EFCAB6: variants seen among roughly 807,000 people sequenced by gnomAD.
EFCAB6 encodes EF-hand calcium binding domain 6.
A neutral mutation model predicts 169.8 loss-of-function variants in EFCAB6; 156 were observed. That is an observed-to-expected ratio of 0.92 (90% CI 0.81 to 1.05). EFCAB6 has a LOEUF of 1.05. Among genes scored for constraint, EFCAB6 ranks in the 50% least tolerant of loss-of-function variants. The pLI, the probability that EFCAB6 is intolerant of heterozygous loss-of-function variation, is 0.00. For synonymous variants in EFCAB6, 698 were observed against 676.4 expected, an observed-to-expected ratio of 1.03 and a Z score of -0.50; for missense variants, 1,800 against 1,829.1, an observed-to-expected ratio of 0.98 and a Z score of 0.29.
At chr22:43,612,431 T>C (rs556922905) in intron 21 of EFCAB6, among the ~76,000 whole-genome samples, 5 of 152,078 alleles carry the variant, frequency 3.3e-5, no homozygotes, top group Non-Finnish European at 5.9e-5. Flanking sequence ...TATACGGAAC[T>C]TAAACAACCC....
At chr22:43,576,719 C>T (rs2050279902) in intron 25 of EFCAB6, among the ~76,000 whole-genome samples, 1 of 152,040 alleles carries the variant, frequency 6.6e-6, no homozygotes, top group East Asian at 1.9e-4. Flanking sequence ...CTTACTTGCT[C>T]CTATTTGGAT....
At chr22:43,532,310 G>T (rs1172518696) in intron 30 of EFCAB6, among the ~76,000 whole-genome samples, 2 of 152,144 alleles carry the variant, frequency 1.3e-5, no homozygotes, top group Non-Finnish European at 2.9e-5. Context: ...TGGGAACTGG[G>T]GTGGCCCCTT....
intron 2 of EFCAB6, among the ~76,000 whole-genome samples, chr22:43,803,798 A>T (rs1031821897): frequency 6.6e-6 from 1 of 152,230 alleles, no homozygotes; most frequent in African/African-American, 2.4e-5. Context: ...AAACACTGCC[A>T]TTAAACTACA....
intron 2 of EFCAB6, among the ~76,000 whole-genome samples, chr22:43,787,381 C>T (rs1569489451): frequency 2.1e-5 from 3 of 144,452 alleles, no homozygotes; most frequent in Non-Finnish European, 4.5e-5. Context: ...CACACACACA[C>T]ACAATTAGAA....
intron 19 of EFCAB6, among the ~76,000 whole-genome samples, chr22:43,629,252 T>C (rs1032182743): frequency 2.6e-5 from 4 of 152,144 alleles, no homozygotes; most frequent in Non-Finnish European, 5.9e-5. Flanking sequence ...GTCTTCAGCT[T>C]CCCCAATGTT....
chr22:43,568,537 G>C (rs1009874611), intron 26 of EFCAB6, among the ~76,000 whole-genome samples: 1 of 152,132 alleles, frequency 6.6e-6, no homozygotes, highest in Non-Finnish European at 1.5e-5. Context: ...TGAATATATA[G>C]AGGGCTTCCC....
intron 10 of EFCAB6, among the ~76,000 whole-genome samples, chr22:43,706,038 G>A (rs2058945205): frequency 6.6e-6 from 1 of 152,178 alleles, no homozygotes; most frequent in South Asian, 2.1e-4. Flanking sequence ...TGATACCACA[G>A]AAATACAAAG....
intron 2 of EFCAB6, among the ~76,000 whole-genome samples, chr22:43,793,826 G>A (rs553521990): frequency 2.9e-4 from 44 of 152,292 alleles, no homozygotes; most frequent in African/African-American, 9.9e-4. Flanking sequence ...CTGAAGGGGA[G>A]AAAGAGCTAT....
chr22:43,658,524 A>C (rs1309030970), intron 17 of EFCAB6, among the ~76,000 whole-genome samples: 1 of 152,148 alleles, frequency 6.6e-6, no homozygotes, highest in Non-Finnish European at 1.5e-5. Context: ...GCAAGGATGG[A>C]AGCCCCCACA....
chr22:43,560,246 C>A (rs535790677), intron 26 of EFCAB6, among the ~76,000 whole-genome samples: 2 of 152,074 alleles, frequency 1.3e-5, no homozygotes, highest in Admixed American at 6.5e-5. Flanking sequence ...TTGATATCAA[C>A]ATTGATATTA....
chr22:43,734,978 C>T (rs559560729), intron 7 of EFCAB6, among the ~76,000 whole-genome samples: 2 of 152,170 alleles, frequency 1.3e-5, no homozygotes, highest in Admixed American at 6.5e-5. Flanking sequence ...GCTTGGGCTC[C>T]GGGTGAAATG....
chr22:43,591,174 C>T (rs1238151385), intron 23 of EFCAB6, among the ~76,000 whole-genome samples: 1 of 148,820 alleles, frequency 6.7e-6, no homozygotes, highest in African/African-American at 2.5e-5. Context: ...GAAACAGCCA[C>T]TGACTGGGTG....
At chr22:43,576,158 C>A in intron 26 of EFCAB6, 139 bp downstream of exon 26, 1 of 599,296 alleles carries the variant, frequency 1.7e-6, no homozygotes, top group Non-Finnish European at 2.7e-6. Context: ...TAATTTATAC[C>A]AGTTTTTCAT....
chr22:43,718,717 G>GT (rs1335712419), intron 8 of EFCAB6, among the ~76,000 whole-genome samples: 3 of 152,200 alleles, frequency 2.0e-5, no homozygotes, highest in Admixed American at 6.5e-5. Context: ...GGAGGCGGAG[G>GT]TTGTAGTGAG....
At chr22:43,720,281 A>C (rs781619565) in intron 8 of EFCAB6, among the ~76,000 whole-genome samples, 1 of 151,768 alleles carries the variant, frequency 6.6e-6, no homozygotes, top group Non-Finnish European at 1.5e-5. Context: ...ACTTTGAGAG[A>C]CCGAGGCAGG....
At chr22:43,701,650 A>T (rs555736616) in intron 10 of EFCAB6, among the ~76,000 whole-genome samples, 1 of 151,986 alleles carries the variant, frequency 6.6e-6, no homozygotes, top group African/African-American at 2.4e-5. Flanking sequence ...GTGGGAAAAT[A>T]GATTATCTAT....
intron 24 of EFCAB6, among the ~76,000 whole-genome samples, chr22:43,585,288 C>A (rs947065200): frequency 6.6e-6 from 1 of 151,444 alleles, no homozygotes; most frequent in East Asian, 1.9e-4. Flanking sequence ...AAAGAAAATG[C>A]CAGAAATTAA....
chr22:43,667,895 C>G (rs1396578045), intron 16 of EFCAB6, among the ~76,000 whole-genome samples: 1 of 152,162 alleles, frequency 6.6e-6, no homozygotes, highest in African/African-American at 2.4e-5. Flanking sequence ...AAGTCTCTTG[C>G]GCCCCATATT....
chr22:43,757,898 T>C (rs1472596029), intron 5 of EFCAB6, among the ~76,000 whole-genome samples: 1 of 152,246 alleles, frequency 6.6e-6, no homozygotes, highest in African/African-American at 2.4e-5. Flanking sequence ...TTTCCTTAGA[T>C]TAATATTGAA....
Sources: gnomAD v4.1 joint callset for allele counts (sites outside exome capture counted in the v4.1 genomes callset) on GRCh38, gnomAD v4.1.1 for gene constraint, MANE v1.5 for transcripts, NCBI Gene and HGNC (gene_info 2026-07-23, HGNC 2026-07-21) for gene names.